GPC5: variants seen among roughly 807,000 people sequenced by gnomAD.
GPC5 encodes the protein glypican-5.
Under a neutral mutation model 53.9 loss-of-function variants are expected in GPC5, and 47 were observed. The ratio of observed to expected loss-of-function variants is 0.87; its 90% CI spans 0.69 to 1.11. GPC5 has a LOEUF of 1.11. Among genes scored for constraint, GPC5 ranks in the 50% most tolerant of loss-of-function variants. The pLI is 0.00. For synonymous variants in GPC5, 286 were observed against 263.3 expected, an observed-to-expected ratio of 1.09 and a Z score of -0.84; for missense variants, 748 against 713.1, an observed-to-expected ratio of 1.05 and a Z score of -0.56.
intron 2 of GPC5, among the ~76,000 whole-genome samples, chr13:91,478,391 A>G (rs1412767121): frequency 1.3e-5 from 2 of 152,034 alleles, no homozygotes; most frequent in Non-Finnish European, 2.9e-5. Context: ...TCTCATCTTT[A>G]AAATTTTTTA....
intron 2 of GPC5, among the ~76,000 whole-genome samples, chr13:91,669,424 C>T (rs1374285982): frequency 6.6e-6 from 1 of 152,120 alleles, no homozygotes; most frequent in Admixed American, 6.5e-5. Flanking sequence ...AAGGGTTGAT[C>T]AGGGGATGGT....
intron 3 of GPC5, among the ~76,000 whole-genome samples, chr13:91,704,409 A>G (rs1323048894): frequency 6.6e-6 from 1 of 152,140 alleles, no homozygotes; most frequent in Non-Finnish European, 1.5e-5. Context: ...CCCGCCACAG[A>G]GCATTCCTAG....
intron 3 of GPC5, among the ~76,000 whole-genome samples, chr13:91,695,150 G>T (rs1173714915): frequency 2.0e-5 from 3 of 152,108 alleles, no homozygotes; most frequent in Non-Finnish European, 4.4e-5. Context: ...GCTTCATTCA[G>T]CTGGGTATCC....
intron 2 of GPC5, among the ~76,000 whole-genome samples, chr13:91,630,744 T>C (rs1031776547): frequency 1.3e-5 from 2 of 152,122 alleles, no homozygotes; most frequent in African/African-American, 4.8e-5. Context: ...GAGTTCCTGC[T>C]CCTAAGTTTA....
At position 92,360,085 on chromosome 13, in the gene GPC5, C is replaced by T. The variant is rs78671366; in HGVS notation, c.1561+215096C>T. Among the ~76,000 whole-genome samples, 1,484 of 151,736 alleles carry T rather than the reference C, an allele frequency of 9.8e-3. 63 individuals carry two copies. The highest frequency in any genetic ancestry group is 0.03 in the African/African-American group (1,227 of 41,062). ...CAGAAGCTCTTAAGTTTAATTAGAT[C>T]GCATTTTGTCAATTTCTGCTTTTGT... is the stretch of plus-strand genomic sequence containing the variant. On this transcript the variant is annotated intron_variant, in intron 7 of 7. Transcript: ENST00000377067.
intron 7 of GPC5, among the ~76,000 whole-genome samples, chr13:92,723,098 T>G (rs1228948430): frequency 6.6e-6 from 1 of 151,754 alleles, no homozygotes; most frequent in African/African-American, 2.4e-5. Flanking sequence ...ATCTGAGGCT[T>G]AATTTCCTCT....
At chr13:92,547,264 A>G (rs910075285) in intron 7 of GPC5, among the ~76,000 whole-genome samples, 8 of 152,210 alleles carry the variant, frequency 5.3e-5, no homozygotes, top group East Asian at 3.9e-4. Flanking sequence ...GCCTAAAATA[A>G]TAATAAACAT....
At chr13:91,841,021 T>C (rs2038780636) in intron 5 of GPC5, among the ~76,000 whole-genome samples, 1 of 151,914 alleles carries the variant, frequency 6.6e-6, no homozygotes, top group Non-Finnish European at 1.5e-5. Context: ...TAGCTACTAT[T>C]TCTGGAATTG....
At chr13:92,594,744 T>A (rs757420151) in intron 7 of GPC5, among the ~76,000 whole-genome samples, 9 of 152,062 alleles carry the variant, frequency 5.9e-5, no homozygotes, top group Non-Finnish European at 1.3e-4. Flanking sequence ...GGAGAAAAAA[T>A]ATCACTTGAA....
At chr13:91,480,178 A>G (rs570600687) in intron 2 of GPC5, among the ~76,000 whole-genome samples, 2 of 152,336 alleles carry the variant, frequency 1.3e-5, no homozygotes, top group Admixed American at 6.5e-5. Flanking sequence ...GACTGTATAC[A>G]TTTGATTTGT....
intron 7 of GPC5, among the ~76,000 whole-genome samples, chr13:92,584,024 T>A (rs1475648455): frequency 6.6e-6 from 1 of 152,184 alleles, no homozygotes; most frequent in Non-Finnish European, 1.5e-5. Flanking sequence ...ATGAAACCTC[T>A]TTCTTTTGTG....
At chr13:91,871,644 T>G (rs1302772031) in intron 5 of GPC5, among the ~76,000 whole-genome samples, 1 of 152,144 alleles carries the variant, frequency 6.6e-6, no homozygotes, top group Admixed American at 6.5e-5. Context: ...TTCTAAAATT[T>G]TAGTATATTA....
intron 7 of GPC5, among the ~76,000 whole-genome samples, chr13:92,406,482 T>C (rs935514611): frequency 1.3e-5 from 2 of 152,154 alleles, no homozygotes; most frequent in African/African-American, 4.8e-5. Context: ...ATTTTACAAC[T>C]GGGAAAAAGA....
chr13:91,827,324 A>G (rs1466223417), intron 5 of GPC5, among the ~76,000 whole-genome samples: 2 of 152,022 alleles, frequency 1.3e-5, no homozygotes, highest in Non-Finnish European at 2.9e-5. Context: ...CATTAAAAAT[A>G]CCATGTAAAC....
rs578221393 is a variant in GPC5 at position 92,272,395 on chromosome 13, T to C, written c.1561+127406T>C. On this transcript the variant is annotated intron_variant, in intron 7 of 7. Coordinates refer to ENST00000377067, the MANE Select transcript of GPC5 (RefSeq NM_004466.6). ...GTACTTGGGGCTACATTGAGAAAAC[T>C]GCCTATGATGTAACCATCTAGCAAT... Among the ~76,000 whole-genome samples, 12 of 152,280 alleles carry C rather than the reference T, an allele frequency of 7.9e-5. No individual in the cohort carries two copies. The South Asian group carries it at 2.5e-3, about 32-fold the overall frequency.
At chr13:91,402,866 C>A (rs1343182700) in intron 1 of GPC5, among the ~76,000 whole-genome samples, 2 of 152,158 alleles carry the variant, frequency 1.3e-5, no homozygotes, top group East Asian at 1.9e-4. Context: ...AAAGTGATAT[C>A]CGTTACATTA....
chr13:92,797,529 AC>A (rs1876727637), intron 7 of GPC5, among the ~76,000 whole-genome samples: 1 of 151,940 alleles, frequency 6.6e-6, no homozygotes, highest in South Asian at 2.1e-4. Flanking sequence ...CAGAAAGAAA[AC>A]AGGTTTGGAG....
intron 7 of GPC5, among the ~76,000 whole-genome samples, chr13:92,216,634 G>A (rs1403813855): frequency 1.3e-5 from 2 of 152,126 alleles, no homozygotes; most frequent in African/African-American, 4.8e-5. Flanking sequence ...CAGGCTCTGG[G>A]TATTTTCATT....
intron 5 of GPC5, among the ~76,000 whole-genome samples, chr13:91,849,073 C>T (rs1594615388): frequency 6.6e-6 from 1 of 152,142 alleles, no homozygotes; most frequent in South Asian, 2.1e-4. Flanking sequence ...GTGGTCAGCC[C>T]CTTTAGCTTA....
Sources: allele counts gnomAD v4.1 joint callset (sites outside exome capture counted in the v4.1 genomes callset), GRCh38; gene constraint gnomAD v4.1.1; transcripts MANE v1.5; gene names NCBI Gene and HGNC (gene_info 2026-07-23, HGNC 2026-07-21).